NR3C2: variants seen among roughly 807,000 people sequenced by gnomAD.
NR3C2 encodes nuclear receptor subfamily 3 group C member 2, also known as mineralocorticoid receptor.
NR3C2 carries 15 observed loss-of-function variants against 86.4 expected under a neutral mutation model. The observed-to-expected ratio is 0.17, with a 90% CI of 0.12 to 0.27. The LOEUF (loss-of-function observed/expected upper bound fraction) is 0.27. NR3C2 is among the 10% of genes least tolerant of loss of function. The pLI is 1.00. For synonymous variants in NR3C2, 458 were observed against 450.5 expected (o/e 1.02, Z -0.21); for missense variants, 960 against 1,195.6 (o/e 0.80, Z 2.91).
intron 8 of NR3C2, among the ~76,000 whole-genome samples, chr4:148,104,798 C>T (rs936080381): frequency 5.3e-5 from 8 of 152,078 alleles, no homozygotes; most frequent in African/African-American, 1.7e-4. Context: ...TTGAAGAAAC[C>T]GAAAGCCAAA....
chr4:148,123,887 C>G (rs978964312), intron 6 of NR3C2, among the ~76,000 whole-genome samples: 1 of 152,222 alleles, frequency 6.6e-6, no homozygotes, highest in African/African-American at 2.4e-5. Flanking sequence ...CTCCTGAGTT[C>G]AGTTTCTTAC....
intron 3 of NR3C2, among the ~76,000 whole-genome samples, chr4:148,226,740 A>G (rs892115070): frequency 6.6e-6 from 1 of 152,100 alleles, no homozygotes; most frequent in East Asian, 1.9e-4. Flanking sequence ...ATCCTTTCCA[A>G]TATTTGGTGT....
intron 2 of NR3C2, among the ~76,000 whole-genome samples, chr4:148,291,898 T>C (rs892037399): frequency 2.0e-5 from 3 of 152,108 alleles, no homozygotes; most frequent in African/African-American, 7.2e-5. Flanking sequence ...ACACTTACAT[T>C]AGCCTACAGG....
At chr4:148,087,109 C>A (rs938291477) in intron 8 of NR3C2, among the ~76,000 whole-genome samples, 47 of 152,296 alleles carry the variant, frequency 3.1e-4, no homozygotes, top group African/African-American at 1.1e-3. Flanking sequence ...AAGTTACAAG[C>A]ATTCCTATAC....
At chr4:148,342,984 T>G (rs1320317544) in intron 2 of NR3C2, among the ~76,000 whole-genome samples, 2 of 152,186 alleles carry the variant, frequency 1.3e-5, no homozygotes, top group Middle Eastern at 3.2e-3. Flanking sequence ...CAAGGACAGA[T>G]TTTTAGCCCA....
chr4:148,293,499 T>C lies in NR3C2; in HGVS notation c.1758-33382A>G, dbSNP rs1344183635. The stretch of plus-strand genomic sequence containing the variant: ...GCTAAGTTTGGTTAGTGTGGGTATG[T>C]TACCTCCTTCAATTCATTACTGACT... On this transcript the variant is annotated intron_variant, in intron 2 of 8. Coordinates refer to ENST00000358102, the MANE Select transcript of NR3C2 (RefSeq NM_000901.5). 2.0e-5 allele frequency among the ~76,000 whole-genome samples: 3 copies of C among 152,200 alleles called. No individual in the cohort carries two copies. The South Asian group carries it at 6.2e-4, about 32-fold the overall frequency.
chr4:148,361,089 G>C (rs536535439), intron 2 of NR3C2, among the ~76,000 whole-genome samples: 3 of 152,210 alleles, frequency 2.0e-5, no homozygotes, highest in African/African-American at 7.2e-5. Flanking sequence ...GTGTATTCTA[G>C]CGCCTGATAA....
At chr4:148,384,283 A>G (rs1043019577) in intron 2 of NR3C2, among the ~76,000 whole-genome samples, 2 of 152,138 alleles carry the variant, frequency 1.3e-5, no homozygotes, top group Non-Finnish European at 2.9e-5. Flanking sequence ...CAATATGAGA[A>G]TACTTAGTAG....
chr4:148,370,877 A>C (rs1290836034), intron 2 of NR3C2, among the ~76,000 whole-genome samples: 1 of 152,042 alleles, frequency 6.6e-6, no homozygotes, highest in Non-Finnish European at 1.5e-5. Flanking sequence ...AAGAGATGGA[A>C]GTTTCTCTCT....
intron 3 of NR3C2, 104 bp from the exon 4 acceptor site, chr4:148,194,966 CTCTT>C: frequency 1.1e-6 from 1 of 881,434 alleles, no homozygotes; most frequent in Non-Finnish European, 1.8e-6. Flanking sequence ...GCCTTGAAAT[CTCTT>C]TCTCAAAAAA....
At chr4:148,201,598 C>T (rs1736721855) in intron 3 of NR3C2, among the ~76,000 whole-genome samples, 1 of 152,184 alleles carries the variant, frequency 6.6e-6, no homozygotes, top group African/African-American at 2.4e-5. Context: ...CTACAGACAT[C>T]CTCAACTATA....
chr4:148,228,080 C>T (rs1738266683), intron 3 of NR3C2, among the ~76,000 whole-genome samples: 2 of 152,140 alleles, frequency 1.3e-5, no homozygotes, highest in Non-Finnish European at 2.9e-5. Flanking sequence ...AAGAGACACA[C>T]ATAGGTATGT....
At chr4:148,421,538 A>G (rs975151405) in intron 2 of NR3C2, among the ~76,000 whole-genome samples, 2 of 152,226 alleles carry the variant, frequency 1.3e-5, no homozygotes, top group Non-Finnish European at 2.9e-5. Flanking sequence ...GAAAACATTT[A>G]TCATTCTTCA....
At chr4:148,225,342 G>GT (rs1282549451) in intron 3 of NR3C2, among the ~76,000 whole-genome samples, 1 of 152,112 alleles carries the variant, frequency 6.6e-6, no homozygotes, top group Non-Finnish European at 1.5e-5. Flanking sequence ...TTTTAGAAAA[G>GT]TTTATCTACC....
At chr4:148,390,240 CT>C (rs1371203310) in intron 2 of NR3C2, among the ~76,000 whole-genome samples, 3 of 148,630 alleles carry the variant, frequency 2.0e-5, no homozygotes, top group Non-Finnish European at 4.5e-5. Flanking sequence ...GTATACATTC[CT>C]TAAAAAAAAA....
chr4:148,134,973 G>C (rs1180585464), intron 6 of NR3C2, among the ~76,000 whole-genome samples: 5 of 151,996 alleles, frequency 3.3e-5, no homozygotes, highest in Non-Finnish European at 7.4e-5. Context: ...TGGGATTCTT[G>C]AGTAAAGCAC....
intron 3 of NR3C2, among the ~76,000 whole-genome samples, chr4:148,214,415 C>T (rs1000491901): frequency 6.6e-6 from 1 of 152,032 alleles, no homozygotes; most frequent in African/African-American, 2.4e-5. Flanking sequence ...GTTATATACC[C>T]ACTTTCCACA....
chr4:148,370,857 G>C (rs776139149), intron 2 of NR3C2, among the ~76,000 whole-genome samples: 1 of 151,096 alleles, frequency 6.6e-6, no homozygotes, highest in Non-Finnish European at 1.5e-5. Context: ...TCTCCTCCCC[G>C]CCCCCCAATA....
intron 8 of NR3C2, among the ~76,000 whole-genome samples, chr4:148,104,758 T>C (rs529635683): frequency 6.6e-6 from 1 of 152,318 alleles, no homozygotes; most frequent in East Asian, 1.9e-4. Context: ...CCAAACTTCC[T>C]ACAAGATGGG....
Sources: gnomAD v4.1 joint callset for allele counts (sites outside exome capture counted in the v4.1 genomes callset) on GRCh38, gnomAD v4.1.1 for gene constraint, MANE v1.5 for transcripts, NCBI Gene and HGNC (gene_info 2026-07-23, HGNC 2026-07-21) for gene names.